Variants in PCGF5 observed in about 807,000 individuals in gnomAD.
PCGF5 encodes polycomb group ring finger 5.
PCGF5 carries 9 observed loss-of-function variants against 44.3 expected under a neutral mutation model. The observed-to-expected ratio is 0.20, with a 90% CI of 0.12 to 0.35. The LOEUF (loss-of-function observed/expected upper bound fraction) is 0.35, where lower values mean the gene tolerates loss of function less well. Among genes scored for constraint, PCGF5 ranks in the 10% least tolerant of loss-of-function variants. The probability of loss-of-function intolerance (pLI) is 1.00; values close to 1 mark genes in which losing one functional copy is unlikely to be tolerated. For missense variants in PCGF5, 146 were observed against 305.3 expected (o/e 0.48, Z 3.89); for synonymous variants, 95 against 102.5 (o/e 0.93, Z 0.44).
intron 2 of PCGF5, among the ~76,000 whole-genome samples, chr10:91,233,266 G>A (rs1397085884): frequency 6.6e-6 from 1 of 152,058 alleles, no homozygotes; most frequent in East Asian, 1.9e-4. Context: ...ACAGAAGTAG[G>A]GTAACCTTTT....
At chr10:91,214,055 A>G (rs1450970884) in intron 1 of PCGF5, among the ~76,000 whole-genome samples, 1 of 152,158 alleles carries the variant, frequency 6.6e-6, no homozygotes, top group African/African-American at 2.4e-5. Context: ...TAATCCCAGC[A>G]TTTTGGGAGG....
upstream of PCGF5, among the ~76,000 whole-genome samples, chr10:91,159,884 T>C (rs1281456529): frequency 6.6e-6 from 1 of 152,216 alleles, no homozygotes; most frequent in Non-Finnish European, 1.5e-5. Flanking sequence ...TATTAAGTCT[T>C]TTGGGCTTCA....
chr10:91,163,170 G>C (rs184966063), intron 1 of PCGF5: 11,134 of 150,080 alleles, frequency 0.074, 485 homozygotes, highest in Non-Finnish European at 0.1. Flanking sequence ...GCGGGGCCGG[G>C]GGGGAGGCCC....
chr10:91,222,395 T>G (rs1310489855), intron 1 of PCGF5, among the ~76,000 whole-genome samples: 2 of 152,144 alleles, frequency 1.3e-5, no homozygotes, highest in Non-Finnish European at 2.9e-5. Context: ...AATAGAGCAG[T>G]CAAGCAGATA....
At chr10:91,260,240 G>C (rs889161360) in intron 6 of PCGF5, among the ~76,000 whole-genome samples, 3 of 152,136 alleles carry the variant, frequency 2.0e-5, no homozygotes, top group African/African-American at 7.2e-5. Flanking sequence ...TCAGAGAAAT[G>C]CAAATCAAAC....
intron 1 of PCGF5, among the ~76,000 whole-genome samples, chr10:91,205,097 A>G (rs1844321597): frequency 2.0e-5 from 3 of 152,210 alleles, no homozygotes. Context: ...TGGTCCAGTG[A>G]GATTAGATAT....
intron 6 of PCGF5, among the ~76,000 whole-genome samples, chr10:91,259,053 G>A (rs1845829094): frequency 6.6e-6 from 1 of 152,036 alleles, no homozygotes; most frequent in Admixed American, 6.6e-5. Context: ...TTCACATATT[G>A]GTTCGTGTTT....
chr10:91,175,495 G>A (rs1843688979), intron 1 of PCGF5, among the ~76,000 whole-genome samples: 1 of 151,906 alleles, frequency 6.6e-6, no homozygotes, highest in Admixed American at 6.6e-5. Context: ...TTTCTACAGT[G>A]AACCCATCAT....
chr10:91,261,348 G>A lies in PCGF5; in HGVS notation c.497G>A (p.Arg166Gln). The A allele has an allele frequency of 1.3e-6, 2 of 1,494,566 alleles. No individual in the cohort carries two copies. The highest frequency in any genetic ancestry group is 9.0e-7 in the Non-Finnish European group (1 of 1,110,156). The allele number at this position is 1,494,566 out of a possible 1,614,324, so 92.6% of individuals were successfully genotyped here. A position where few individuals can be genotyped will look rare whatever the true frequency, so the allele number is the denominator to read the frequency against. The change falls in exon 7 of 10, where the codon CGA (arginine) becomes CAA (glutamine). Residue 166 changes from arginine (R) to glutamine (Q), a missense_variant. Transcript: ENST00000336126. Reference sequence around the variant, plus strand: ...TAGGGTTTAATGAAGAAATTCATTCGATGTTCTACACGTGTAACTGTGGGA... The same window carrying A: ...TAGGGTTTAATGAAGAAATTCATTCAATGTTCTACACGTGTAACTGTGGGA... ...VVKGLMKKFI[R>Q]CSTRVTVGTI...
chr10:91,178,581 G>A (rs1215143379), intron 1 of PCGF5, among the ~76,000 whole-genome samples: 1 of 151,804 alleles, frequency 6.6e-6, no homozygotes, highest in Non-Finnish European at 1.5e-5. Context: ...GTAGAGACAG[G>A]GTTTCACCAT....
At chr10:91,244,323 G>C (rs561811182) in intron 3 of PCGF5, among the ~76,000 whole-genome samples, 1 of 152,130 alleles carries the variant, frequency 6.6e-6, no homozygotes, top group Non-Finnish European at 1.5e-5. Context: ...CCAGGTAAAG[G>C]GAGCAGCCAG....
In PCGF5 at chr10:91,279,677, C is replaced by T. The variant is rs1226906514; in HGVS notation, c.*1361C>T. On this transcript the variant is annotated 3_prime_UTR_variant, in exon 10 of 10. Coordinates refer to ENST00000336126, the MANE Select transcript of PCGF5 (RefSeq NM_032373.5). Reference sequence around the variant, plus strand: ...TACTTGGAAATTGCTTTGAAACAAACAAGCTAACCTTTGAAACTTAGGAAA... The same window carrying T: ...TACTTGGAAATTGCTTTGAAACAAATAAGCTAACCTTTGAAACTTAGGAAA... The T allele has an allele frequency of 6.6e-6, 1 of 152,068 alleles. No individual in the cohort carries two copies. Among genetic ancestry groups the T allele is most frequent in the East Asian group, 1.9e-4 (1 of 5,200 alleles). The allele number at this position is 152,068 out of a possible 1,614,324, so 9.4% of individuals were successfully genotyped here.
chr10:91,186,366 T>C (rs551941560), intron 1 of PCGF5, among the ~76,000 whole-genome samples: 2 of 152,304 alleles, frequency 1.3e-5, no homozygotes, highest in Admixed American at 1.3e-4. Flanking sequence ...CTTAGGTGAT[T>C]AGCAAGCAAG....
chr10:91,181,537 A>C (rs990983998), intron 1 of PCGF5, among the ~76,000 whole-genome samples: 1 of 152,182 alleles, frequency 6.6e-6, no homozygotes, highest in Non-Finnish European at 1.5e-5. Flanking sequence ...TGTTCCTTCA[A>C]TACCTAGTTT....
At chr10:91,216,434 G>T (rs1229512227), upstream of PCGF5, among the ~76,000 whole-genome samples, 2 of 152,132 alleles carry the variant, frequency 1.3e-5, no homozygotes, top group Non-Finnish European at 2.9e-5. Context: ...TCAAGTGGGG[G>T]TGGGGAGGCT....
intron 9 of PCGF5, among the ~76,000 whole-genome samples, chr10:91,274,948 G>A (rs1846269987): frequency 6.6e-6 from 1 of 152,060 alleles, no homozygotes; most frequent in South Asian, 2.1e-4. Context: ...TATCAGTATA[G>A]GTTTATGATG....
chr10:91,182,833 T>G (rs1843846494), intron 1 of PCGF5, among the ~76,000 whole-genome samples: 1 of 152,224 alleles, frequency 6.6e-6, no homozygotes, highest in African/African-American at 2.4e-5. Context: ...TGTCATTAGT[T>G]TCAAGTAACT....
chr10:91,163,542 A>C (rs1307914328), intron 1 of PCGF5, among the ~76,000 whole-genome samples: 1 of 151,870 alleles, frequency 6.6e-6, no homozygotes, highest in African/African-American at 2.4e-5. Context: ...GGACGACCTG[A>C]GTCGGCGCTC....
intron 1 of PCGF5, among the ~76,000 whole-genome samples, chr10:91,196,601 T>TCC (rs1170003731): frequency 6.6e-6 from 1 of 151,948 alleles, no homozygotes; most frequent in African/African-American, 2.4e-5. Context: ...TCCCACCCCA[T>TCC]CCCCCACCTC....
Sources: allele counts gnomAD v4.1 joint callset (sites outside exome capture counted in the v4.1 genomes callset), GRCh38; gene constraint gnomAD v4.1.1; transcripts MANE v1.5; gene names NCBI Gene and HGNC (gene_info 2026-07-23, HGNC 2026-07-21).